Variants in ELP4 observed in about 807,000 individuals in gnomAD.
ELP4 encodes the protein elongator acetyltransferase complex subunit 4, also known as elongator complex protein 4.
ELP4 carries 51 observed loss-of-function variants against 48.9 expected under a neutral mutation model. The observed-to-expected ratio is 1.04, with a 90% CI of 0.83 to 1.32. The LOEUF (loss-of-function observed/expected upper bound fraction) is 1.32. ELP4 is among the 40% of genes most tolerant of loss of function. The probability of loss-of-function intolerance (pLI) is 0.00; values close to 1 mark genes in which losing one functional copy is unlikely to be tolerated. For missense variants in ELP4, 519 were observed against 514.6 expected, an observed-to-expected ratio of 1.01 and a Z score of -0.08; for synonymous variants, 210 against 189.2, an observed-to-expected ratio of 1.11 and a Z score of -0.90.
chr11:31,669,896 T>G (rs1332686855), intron 9 of ELP4, among the ~76,000 whole-genome samples: 5 of 152,130 alleles, frequency 3.3e-5, no homozygotes, highest in African/African-American at 1.2e-4. Flanking sequence ...CCTTAAGGAT[T>G]TATACTTTCT....
At chr11:31,647,930 T>C in intron 8 of ELP4, 81 bp downstream of exon 8, 5 of 782,570 alleles carry the variant, frequency 6.4e-6, no homozygotes, top group South Asian at 1.5e-5. Context: ...AATCCAAATA[T>C]CTACTGTCAA....
At chr11:31,612,665 T>C (rs940809560) in intron 5 of ELP4, among the ~76,000 whole-genome samples, 5 of 152,172 alleles carry the variant, frequency 3.3e-5, no homozygotes, top group African/African-American at 9.7e-5. Context: ...GATTTACTAA[T>C]CTTAATAGTG....
rs1318342756 is a variant in ELP4 at position 31,738,969 on chromosome 11, CA to C, written c.1144-44422del. Among the ~76,000 whole-genome samples the C allele has an allele frequency of 7.9e-5, 12 of 152,232 alleles. No homozygotes were observed. The East Asian group carries it at 2.3e-3, about 29-fold the overall frequency. ...CAATGAGTATAAAGTTTCAGTCATG[CA>C]ATTGCATAAGTTCTAGAGATCTGTG... On this transcript the variant is annotated intron_variant, in intron 9 of 9. Transcript: ENST00000640961.
At position 31,754,567 on chromosome 11, in the gene ELP4, T is replaced by C. The variant is rs369295086; in HGVS notation, c.1144-28826T>C. ...AGAAAGGCTTTCCCTGACCAACCTA[T>C]CTTTAAAATATCCTCTCCCCAGGCT... On this transcript the variant is annotated intron_variant, in intron 9 of 9. Transcript: ENST00000640961. Among the ~76,000 whole-genome samples the C allele has an allele frequency of 2.0e-5, 3 of 152,126 alleles. No individual in the cohort carries two copies. In the South Asian group the frequency reaches 6.2e-4, roughly 32 times the overall value.
At chr11:31,609,577 A>G (rs1048128754) in intron 5 of ELP4, among the ~76,000 whole-genome samples, 1 of 152,028 alleles carries the variant, frequency 6.6e-6, no homozygotes, top group Non-Finnish European at 1.5e-5. Context: ...TGCTTTGTTA[A>G]GGCCTGCGAT....
chr11:31,588,118 T>G (rs1467562398), intron 3 of ELP4, among the ~76,000 whole-genome samples: 2 of 152,170 alleles, frequency 1.3e-5, no homozygotes, highest in Non-Finnish European at 2.9e-5. Context: ...TATGTTATAC[T>G]CCACATGATT....
At chr11:31,767,429 G>C (rs1948064927) in intron 9 of ELP4, 1 of 151,772 alleles carries the variant, frequency 6.6e-6, no homozygotes, top group Non-Finnish European at 1.5e-5. Context: ...TTAGGTGGTG[G>C]GGGGAAATCC....
chr11:31,648,728 A>G (rs959200112), intron 8 of ELP4: 1 of 151,608 alleles, frequency 6.6e-6, no homozygotes, highest in African/African-American at 2.4e-5. Context: ...ATTTTGTAAA[A>G]TATTTTATAT....
chr11:31,510,734 T>C (rs892664713), intron 1 of ELP4: 2 of 199,116 alleles, frequency 1.0e-5, no homozygotes, highest in Non-Finnish European at 2.0e-5. Flanking sequence ...TTCTTAGGCT[T>C]TCCTTTAAAA....
intron 9 of ELP4, among the ~76,000 whole-genome samples, chr11:31,698,174 C>T (rs1946449834): frequency 6.6e-6 from 1 of 152,076 alleles, no homozygotes; most frequent in Non-Finnish European, 1.5e-5. Context: ...GCATAGTATA[C>T]TCAAAGTTGA....
intron 3 of ELP4, among the ~76,000 whole-genome samples, chr11:31,573,178 G>C: frequency 6.6e-6 from 1 of 152,116 alleles, no homozygotes; most frequent in African/African-American, 2.4e-5. Context: ...TCATAACATA[G>C]AATATTTCCA....
At chr11:31,666,549 G>A (rs1029050047) in intron 9 of ELP4, among the ~76,000 whole-genome samples, 8 of 151,820 alleles carry the variant, frequency 5.3e-5, no homozygotes, top group African/African-American at 1.7e-4. Context: ...AAAATTAGCC[G>A]GGTGTGGTGG....
chr11:31,539,071 A>G (rs1159964304), intron 2 of ELP4, among the ~76,000 whole-genome samples: 2 of 152,210 alleles, frequency 1.3e-5, no homozygotes, highest in Admixed American at 1.3e-4. Flanking sequence ...GAAGTTCCCT[A>G]TACCTGAAGT....
chr11:31,550,000 G>C (rs981782182), intron 3 of ELP4, among the ~76,000 whole-genome samples: 1 of 152,228 alleles, frequency 6.6e-6, no homozygotes, highest in Non-Finnish European at 1.5e-5. Context: ...GTGGGGTAGG[G>C]GGGAGGGATA....
At chr11:31,580,330 C>A (rs1017168523) in intron 3 of ELP4, among the ~76,000 whole-genome samples, 1 of 152,152 alleles carries the variant, frequency 6.6e-6, no homozygotes, top group Non-Finnish European at 1.5e-5. Flanking sequence ...TAACTTAATA[C>A]TGTGAAATAG....
intron 3 of ELP4, among the ~76,000 whole-genome samples, chr11:31,567,837 A>G (rs1957136484): frequency 6.6e-6 from 1 of 152,250 alleles, no homozygotes; most frequent in African/African-American, 2.4e-5. Context: ...TAACAGTTAT[A>G]TGAGCCTTAA....
chr11:31,708,327 G>A (rs371332197), intron 9 of ELP4, among the ~76,000 whole-genome samples: 2 of 152,208 alleles, frequency 1.3e-5, no homozygotes, highest in East Asian at 3.9e-4. Flanking sequence ...CCCATGAAAT[G>A]TAACCTTGAT....
intron 9 of ELP4, among the ~76,000 whole-genome samples, chr11:31,674,056 A>G (rs1945866007): frequency 6.6e-6 from 1 of 152,236 alleles, no homozygotes; most frequent in African/African-American, 2.4e-5. Flanking sequence ...GGCCATAAAA[A>G]CAAACCAAAT....
chr11:31,744,244 T>G (rs1352247268), intron 9 of ELP4, among the ~76,000 whole-genome samples: 1 of 152,182 alleles, frequency 6.6e-6, no homozygotes, highest in Non-Finnish European at 1.5e-5. Flanking sequence ...ATTGAGGCAA[T>G]AATCAATAGC....
Sources: allele counts gnomAD v4.1 joint callset (sites outside exome capture counted in the v4.1 genomes callset), GRCh38; gene constraint gnomAD v4.1.1; transcripts MANE v1.5; gene names NCBI Gene and HGNC (gene_info 2026-07-23, HGNC 2026-07-21).